TBCD: variants seen among roughly 807,000 people sequenced by gnomAD.
TBCD encodes the protein tubulin-specific chaperone D.
Under a neutral mutation model 169.3 loss-of-function variants are expected in TBCD, and 105 were observed. That is an observed-to-expected ratio of 0.62 (90% confidence interval 0.53 to 0.73). TBCD has a LOEUF of 0.73. Ranked by LOEUF, TBCD falls within the 30% of genes least tolerant of loss-of-function variation. The pLI is 0.00. For missense variants in TBCD, 1,444 were observed against 1,600.1 expected (o/e 0.90, Z 1.66); for synonymous variants, 700 against 643.9 (o/e 1.09, Z -1.32).
chr17:82,848,693 A>G (rs933499764), intron 13 of TBCD, among the ~76,000 whole-genome samples: 1 of 152,230 alleles, frequency 6.6e-6, no homozygotes, highest in Non-Finnish European at 1.5e-5. Context: ...ATGCTACAAA[A>G]TAACAGTGAA....
intron 23 of TBCD, chr17:82,913,827 T>G (rs1043904937): frequency 6.6e-6 from 1 of 152,310 alleles, no homozygotes; most frequent in Non-Finnish European, 1.5e-5. Context: ...CGTTGGCCTG[T>G]GCATTGCTGC....
chr17:82,850,832 G>A (rs2055730281), intron 13 of TBCD, among the ~76,000 whole-genome samples: 1 of 152,220 alleles, frequency 6.6e-6, no homozygotes, highest in African/African-American at 2.4e-5. Context: ...AAAGTTAATA[G>A]GTCTGCAGAG....
intron 18 of TBCD, among the ~76,000 whole-genome samples, chr17:82,902,711 G>A (rs1193434429): frequency 6.6e-6 from 1 of 152,214 alleles, no homozygotes; most frequent in Admixed American, 6.5e-5. Flanking sequence ...ACAGACACCC[G>A]CCTTCTGCAT....
rs1403502079 is a variant in TBCD at position 82,884,795 on chromosome 17, CTTCA to C, written c.1533+596_1533+599del. The C allele has an allele frequency of 6.3e-6, 1 of 159,390 alleles. No homozygotes were observed. Among genetic ancestry groups the C allele is most frequent in the Non-Finnish European group, 1.4e-5 (1 of 71,784 alleles). The allele number at this position is 159,390 out of a possible 1,614,324, so 9.9% of individuals were successfully genotyped here. On this transcript the variant is annotated intron_variant, in intron 15 of 38. Coordinates refer to ENST00000355528, the MANE Select transcript of TBCD (RefSeq NM_005993.5). This position sits in a 1 kb window ranked among gnomAD's most constrained non-coding sequence, Gnocchi z 4.2. Reference sequence around the variant, plus strand: ...AACTGCTGCTGCGCTGAGCAGACTACTTCATTTGGCTCAGAGCTGGGCTGGAGTG... The same window carrying C: ...AACTGCTGCTGCGCTGAGCAGACTACTTTGGCTCAGAGCTGGGCTGGAGTG...
At chr17:82,850,036 T>TTGGCTGTGCTGC (rs2055562759) in intron 13 of TBCD, among the ~76,000 whole-genome samples, 7 of 20,900 alleles carry the variant, frequency 3.3e-4, no homozygotes, top group Admixed American at 5.3e-4. Context: ...GGCTGTGCTG[T>TTGGCTGTGCTGC]TGTTGGCTGT....
At chr17:82,934,663 G>A (rs1334104400) in intron 34 of TBCD, among the ~76,000 whole-genome samples, 2 of 151,900 alleles carry the variant, frequency 1.3e-5, no homozygotes, top group African/African-American at 4.8e-5. Context: ...GTAGAGATGG[G>A]GTTTCACCAT....
In TBCD at chr17:82,797,856, C is replaced by T. The variant is rs938949338; in HGVS notation, c.817+54C>T. On this transcript the variant is annotated intron_variant, in intron 8 of 38. Transcript: ENST00000355528. ...TTTGTGATGTGAGTTTGCTCATATA[C>T]AATCAAGTGTCTTTCCTTAACATTT... The T allele has an allele frequency of 7.9e-6, 10 of 1,270,920 alleles. No homozygotes were observed. The Admixed American group carries it at 2.1e-4, about 26-fold the overall frequency. 78.7% of individuals were successfully genotyped at this position (1,270,920 alleles called of 1,614,324 possible).
At chr17:82,826,102 T>TA (rs1290905380) in intron 13 of TBCD, among the ~76,000 whole-genome samples, 1 of 152,260 alleles carries the variant, frequency 6.6e-6, no homozygotes, top group Non-Finnish European at 1.5e-5. Flanking sequence ...TAAGAATCTT[T>TA]ATTGATCTAT....
chr17:82,909,528 G>A, intron 22 of TBCD, among the ~76,000 whole-genome samples: 1 of 146,580 alleles, frequency 6.8e-6, no homozygotes, highest in Admixed American at 6.8e-5. Context: ...GGAGGTGCAT[G>A]AGGGTCTGAC....
rs59839519 is a variant in TBCD, at chr17:82,753,447, C to CTTTTTTT, written c.184+1086_184+1092dup. The stretch of plus-strand genomic sequence containing the variant: ...GGTGTAACAGCCCAATGGCTTCTTC[C>CTTTTTTT]TTTTTTTTTTTTTTTTTTTTTTGAT... On this transcript the variant is annotated intron_variant, in intron 1 of 38. Transcript: ENST00000355528. 7.8e-4 allele frequency among the ~76,000 whole-genome samples: 81 copies of CTTTTTTT among 104,272 alleles called. 1 individual carries two copies. Among genetic ancestry groups the CTTTTTTT allele is most frequent in the Middle Eastern group, 6.0e-3 (1 of 168 alleles). 68.4% of individuals were successfully genotyped at this position (104,272 alleles called of 152,430 possible).
intron 6 of TBCD, among the ~76,000 whole-genome samples, chr17:82,774,397 C>T (rs1168300024): frequency 6.6e-6 from 1 of 152,212 alleles, no homozygotes; most frequent in Non-Finnish European, 1.5e-5. Flanking sequence ...CATCCCAAGG[C>T]AGAAGAATTT....
chr17:82,927,579 C>T (rs769615284), intron 29 of TBCD, among the ~76,000 whole-genome samples: 2 of 152,082 alleles, frequency 1.3e-5, no homozygotes, highest in African/African-American at 2.4e-5. Flanking sequence ...TGAGGGAGGA[C>T]GCGTCTTCAA....
chr17:82,892,502 C>T (rs959917225), intron 16 of TBCD, among the ~76,000 whole-genome samples: 3 of 152,144 alleles, frequency 2.0e-5, no homozygotes, highest in Admixed American at 6.5e-5. Context: ...GGAAGAAAGC[C>T]GCATGGTACC....
chr17:82,908,981 G>A (rs1568014647), intron 21 of TBCD, among the ~76,000 whole-genome samples: 1 of 152,260 alleles, frequency 6.6e-6, no homozygotes. Context: ...GAGGCTGCCT[G>A]GGTGGGTTCT....
rs767921790 is a variant in TBCD at position 82,927,957 on chromosome 17, C to A, written c.2662C>A (p.Arg888=). Residue 888 remains arginine, a synonymous_variant, in exon 30 of 39, where the codon CGG becomes AGG. Coordinates refer to ENST00000355528, the MANE Select transcript of TBCD (RefSeq NM_005993.5). ...SLMDLTLLLA[R]SQPELIEAHT... is the part of the protein sequence containing the mutation. ...GATGGATCTGACACTTCTGCTGGCTCGGAGCCAGCCTGAGCTGATCGAGGC... is the reference window on the plus strand; with the variant it reads ...GATGGATCTGACACTTCTGCTGGCTAGGAGCCAGCCTGAGCTGATCGAGGC... 6.2e-7 allele frequency: 1 copy of A among 1,612,862 alleles called. No individual in the cohort carries two copies. The highest frequency in any genetic ancestry group is 1.1e-5 in the South Asian group (1 of 91,082).
rs570553985 is a variant in TBCD, at chr17:82,923,000, G to A, written c.2179-652G>A. On this transcript the variant is annotated intron_variant, in intron 25 of 38. Coordinates refer to ENST00000355528, the MANE Select transcript of TBCD (RefSeq NM_005993.5). This position sits in a 1 kb window ranked among gnomAD's most constrained non-coding sequence, Gnocchi z 4.1. ...CAGCAATTGCCGTCCCTCCCACCAC[G>A]GTTCCTGGTGGCCTTGGGATGGGTT... Among the ~76,000 whole-genome samples, 2 of 152,262 alleles carry A rather than the reference G, an allele frequency of 1.3e-5. No homozygotes were observed. Among genetic ancestry groups the A allele is most frequent in the African/African-American group, 4.8e-5 (2 of 41,560 alleles).
chr17:82,812,488 G>A (rs2051520494), intron 12 of TBCD, among the ~76,000 whole-genome samples: 1 of 152,232 alleles, frequency 6.6e-6, no homozygotes, highest in African/African-American at 2.4e-5. Context: ...GTGACCTGGG[G>A]CACCCGTTTC....
intron 30 of TBCD, among the ~76,000 whole-genome samples, chr17:82,928,368 C>T (rs2061930891): frequency 6.6e-6 from 1 of 152,218 alleles, no homozygotes; most frequent in Non-Finnish European, 1.5e-5. Context: ...ACCAGCTGAG[C>T]CATCACTCAG....
chr17:82,801,036 G>A (rs1165923649), intron 9 of TBCD, 40 bp downstream of exon 9: 2 of 1,566,504 alleles, frequency 1.3e-6, no homozygotes, highest in Non-Finnish European at 1.7e-6. Context: ...GGGCCACGGG[G>A]TGGGGAGGGG....
Sources: gnomAD v4.1 joint callset for allele counts (sites outside exome capture counted in the v4.1 genomes callset) on GRCh38, gnomAD v4.1.1 for gene constraint, Gnocchi (gnomAD v3.1) non-coding constraint, MANE v1.5 for transcripts, NCBI Gene and HGNC (gene_info 2026-07-23, HGNC 2026-07-21) for gene names.